The following MICU1 variants were observed in gnomAD, a reference collection of about 807,000 sequenced individuals.
MICU1 encodes the protein mitochondrial calcium uptake 1, also known as calcium uptake protein 1, mitochondrial.
In MICU1, 45 loss-of-function variants were observed where a neutral mutation model predicts 56.8. That is an observed-to-expected ratio of 0.79 (90% CI 0.62 to 1.02). The LOEUF (loss-of-function observed/expected upper bound fraction) is 1.02. Ranked by LOEUF, MICU1 falls within the 50% of genes least tolerant of loss-of-function variation. MICU1 has a pLI of 0.00. For synonymous variants in MICU1, 186 were observed against 195.1 expected, an observed-to-expected ratio of 0.95 and a Z score of 0.39; for missense variants, 504 against 587.1, an observed-to-expected ratio of 0.86 and a Z score of 1.46.
At chr10:72,566,047 T>C (rs542470644) in intron 2 of MICU1, among the ~76,000 whole-genome samples, 1,897 of 143,178 alleles carry the variant, frequency 0.013, 56 homozygotes, top group African/African-American at 0.047. Flanking sequence ...TTCTTTTTTT[T>C]TTTTTTTTTT....
chr10:72,452,232 G>A (rs1229444226), intron 8 of MICU1, among the ~76,000 whole-genome samples: 1 of 152,112 alleles, frequency 6.6e-6, no homozygotes, highest in Non-Finnish European at 1.5e-5. Flanking sequence ...TCCTCTAGCT[G>A]TCAGGAAGCT....
rs570327329 is a variant in MICU1, at chr10:72,372,158, C to G, written c.1270+3625G>C. Among the ~76,000 whole-genome samples the G allele has an allele frequency of 8.6e-5, 13 of 151,590 alleles. No homozygotes were observed. In the East Asian group the frequency reaches 2.5e-3, roughly 29 times the overall value. The stretch of plus-strand genomic sequence containing the variant: ...TCAAAGCAAGAGGACAGCTTTAGGC[C>G]AGAAGTTTGAGACGAGCCTGGGCAA... On this transcript the variant is annotated intron_variant, in intron 11 of 11. Coordinates refer to ENST00000361114, the MANE Select transcript of MICU1 (RefSeq NM_001195518.2).
intron 4 of MICU1, among the ~76,000 whole-genome samples, chr10:72,550,822 T>C (rs1383110682): frequency 6.6e-6 from 1 of 152,256 alleles, no homozygotes; most frequent in Middle Eastern, 3.2e-3. Context: ...GATCCCACTT[T>C]AAAAGTGTGT....
intron 11 of MICU1, among the ~76,000 whole-genome samples, chr10:72,368,889 C>T (rs1862234696): frequency 6.6e-6 from 1 of 152,104 alleles, no homozygotes; most frequent in Non-Finnish European, 1.5e-5. Flanking sequence ...AGCATGAGTA[C>T]AGGCAGGATA....
intron 8 of MICU1, among the ~76,000 whole-genome samples, chr10:72,474,842 C>T (rs2132267668): frequency 6.6e-6 from 1 of 152,312 alleles, no homozygotes; most frequent in Non-Finnish European, 1.5e-5. Context: ...GTTTCTTTCT[C>T]CACAAACGGA....
At chr10:72,387,648 A>C (rs1483437162) in intron 10 of MICU1, among the ~76,000 whole-genome samples, 4 of 152,106 alleles carry the variant, frequency 2.6e-5, no homozygotes, top group Admixed American at 2.0e-4. Context: ...AGAACCTAGA[A>C]GCTTCAATCC....
chr10:72,621,460 C>A (rs1212847983), intron 1 of MICU1, among the ~76,000 whole-genome samples: 1 of 151,948 alleles, frequency 6.6e-6, no homozygotes, highest in South Asian at 2.1e-4. Flanking sequence ...CCATTGCACT[C>A]CAGCCTGGGC....
chr10:72,383,088 T>TA (rs1287446986), intron 10 of MICU1, among the ~76,000 whole-genome samples: 33 of 152,160 alleles, frequency 2.2e-4, no homozygotes, highest in Non-Finnish European at 1.5e-5. Flanking sequence ...CGAAAAATTT[T>TA]AAAAAACATT....
chr10:72,504,655 C>A lies in MICU1; in HGVS notation c.652+3500G>T, dbSNP rs1388273953. ...ACCTAATTAAACTAAAGAGTCTCTG[C>A]AAAGCAAAAGAAACCATCAACAAAG... is the stretch of plus-strand genomic sequence containing the variant. On this transcript the variant is annotated intron_variant, in intron 6 of 11. Coordinates refer to ENST00000361114, the MANE Select transcript of MICU1 (RefSeq NM_001195518.2). 2.6e-5 allele frequency among the ~76,000 whole-genome samples: 4 copies of A among 152,030 alleles called. No individual in the cohort carries two copies. The East Asian group carries it at 7.7e-4, about 29-fold the overall frequency.
chr10:72,564,954 C>A (rs1409252696), intron 2 of MICU1, among the ~76,000 whole-genome samples: 1 of 151,994 alleles, frequency 6.6e-6, no homozygotes, highest in African/African-American at 2.4e-5. Context: ...TTAGTAACAT[C>A]CCAGAAAGAT....
intron 6 of MICU1, among the ~76,000 whole-genome samples, chr10:72,492,389 T>C (rs945486654): frequency 6.6e-6 from 1 of 151,984 alleles, no homozygotes; most frequent in African/African-American, 2.4e-5. Context: ...TAGTGAAAAA[T>C]GGTGGGGTTC....
At chr10:72,430,294 G>GT (rs1394354059) in intron 8 of MICU1, among the ~76,000 whole-genome samples, 1 of 151,906 alleles carries the variant, frequency 6.6e-6, no homozygotes, top group African/African-American at 2.4e-5. Context: ...TTTGTCTATG[G>GT]TAAGTACCAC....
rs1862207231 is a variant in MICU1, at chr10:72,368,161, T to TG, written c.*33dup. On this transcript the variant is annotated 3_prime_UTR_variant, in exon 12 of 12. Transcript: ENST00000361114. ...ACTCTGCGGAGGGGGTCCAGGGTAC[T>TG]GGGGGTGGAGGGGTCCCCTCTTGCA... 6.3e-7 allele frequency: 1 copy of TG among 1,594,782 alleles called. No individual in the cohort carries two copies. Among genetic ancestry groups the TG allele is most frequent in the Non-Finnish European group, 8.6e-7 (1 of 1,167,362 alleles).
intron 8 of MICU1, among the ~76,000 whole-genome samples, chr10:72,426,380 C>T (rs76848971): frequency 0.045 from 6,740 of 150,688 alleles, 412 homozygotes; most frequent in East Asian, 0.19. Context: ...AAAGGAAATG[C>T]TTATTGGAGC....
At chr10:72,500,308 T>A (rs1391178067) in intron 6 of MICU1, among the ~76,000 whole-genome samples, 86 of 12,510 alleles carry the variant, frequency 6.9e-3, no homozygotes, top group Non-Finnish European at 0.01. Flanking sequence ...ATATATTTTT[T>A]TTTTTTTTTT....
chr10:72,383,181 G>T (rs1397342992), intron 10 of MICU1, among the ~76,000 whole-genome samples: 1 of 150,514 alleles, frequency 6.6e-6, no homozygotes, highest in African/African-American at 2.4e-5. Context: ...AGGAGTTCAA[G>T]TCTGCAGTGA....
chr10:72,618,790 A>G (rs1842038465), intron 1 of MICU1, among the ~76,000 whole-genome samples: 1 of 152,232 alleles, frequency 6.6e-6, no homozygotes. Context: ...GTTCAATACA[A>G]TAGCCACTAC....
intron 6 of MICU1, among the ~76,000 whole-genome samples, chr10:72,485,864 C>T (rs1301037080): frequency 2.0e-5 from 3 of 151,002 alleles, no homozygotes; most frequent in East Asian, 1.9e-4. Context: ...CGGCTTCATC[C>T]GAGGTAAAAA....
At chr10:72,596,957 G>A (rs556326340) in intron 1 of MICU1, among the ~76,000 whole-genome samples, 1 of 151,230 alleles carries the variant, frequency 6.6e-6, no homozygotes, top group East Asian at 1.9e-4. Context: ...TAATAATAAT[G>A]TTTCAATATT....
Sources: allele counts gnomAD v4.1 joint callset (sites outside exome capture counted in the v4.1 genomes callset), GRCh38; gene constraint gnomAD v4.1.1; transcripts MANE v1.5; gene names NCBI Gene and HGNC (gene_info 2026-07-23, HGNC 2026-07-21).